RAB11FIP4: variants seen among roughly 807,000 people sequenced by gnomAD.
RAB11FIP4 encodes RAB11 family interacting protein 4.
RAB11FIP4 carries 23 observed loss-of-function variants against 74.3 expected under a neutral mutation model. The observed-to-expected ratio is 0.31, with a 90% CI of 0.22 to 0.44. The LOEUF (loss-of-function observed/expected upper bound fraction) is 0.44. RAB11FIP4 is among the 20% of genes least tolerant of loss of function. The pLI is 1.00. For synonymous variants in RAB11FIP4, 360 were observed against 359.9 expected (o/e 1.00, Z 0.00); for missense variants, 630 against 863.9 (o/e 0.73, Z 3.39).
chr17:31,531,718 G>C lies in RAB11FIP4; in HGVS notation c.1900G>C (p.Glu634Gln). The change falls in exon 15 of 15, where the codon GAG (glutamate) becomes CAG (glutamine). Residue 634 changes from glutamate to glutamine, a missense_variant. Glu to Gln is a conservative substitution (Grantham distance 29, BLOSUM62 2). Transcript: ENST00000621161. Reference sequence around the variant, plus strand: ...CCTGGACCACAATCCCTCCATCCTCGAGATCAAACACTAAGGCACGGGGCT... The same window carrying C: ...CCTGGACCACAATCCCTCCATCCTCCAGATCAAACACTAAGGCACGGGGCT... ...AILDHNPSIL[E>Q]IKH The C allele has an allele frequency of 6.2e-7, 1 of 1,612,048 alleles. No individual in the cohort carries two copies. Among genetic ancestry groups the C allele is most frequent in the Non-Finnish European group, 8.5e-7 (1 of 1,178,122 alleles).
chr17:31,519,580 GC>G (rs1373532608), intron 4 of RAB11FIP4, among the ~76,000 whole-genome samples: 1 of 151,986 alleles, frequency 6.6e-6, no homozygotes, highest in African/African-American at 2.4e-5. Context: ...GCAAGTGGCA[GC>G]CCCTTACCAG....
chr17:31,442,593 T>C (rs1320921187), intron 3 of RAB11FIP4, among the ~76,000 whole-genome samples: 1 of 152,226 alleles, frequency 6.6e-6, no homozygotes, highest in Non-Finnish European at 1.5e-5. Flanking sequence ...TTAGAATATT[T>C]ACTGTCTGCC....
intron 3 of RAB11FIP4, among the ~76,000 whole-genome samples, chr17:31,515,504 C>A (rs1170927743): frequency 7.0e-6 from 1 of 143,150 alleles, no homozygotes; most frequent in Non-Finnish European, 1.6e-5. Flanking sequence ...GGGACGGACC[C>A]CCAGGAGGGC....
intron 3 of RAB11FIP4, among the ~76,000 whole-genome samples, chr17:31,443,592 C>T (rs1054535815): frequency 2.0e-5 from 3 of 150,496 alleles, no homozygotes; most frequent in East Asian, 2.0e-4. Context: ...GCTATGCTTA[C>T]GCACGCAGTC....
At chr17:31,492,555 T>G (rs560667220) in intron 3 of RAB11FIP4, among the ~76,000 whole-genome samples, 1 of 152,286 alleles carries the variant, frequency 6.6e-6, no homozygotes, top group Admixed American at 6.5e-5. Flanking sequence ...CACCATGATC[T>G]GGAGCCCACA....
At chr17:31,479,319 G>T (rs915252379) in intron 3 of RAB11FIP4, among the ~76,000 whole-genome samples, 2 of 152,180 alleles carry the variant, frequency 1.3e-5, no homozygotes, top group African/African-American at 2.4e-5. Flanking sequence ...ACTTGAGAAG[G>T]TCTCTCACCT....
intron 6 of RAB11FIP4, 21 bp from the exon 7 acceptor site, chr17:31,522,339 C>A (rs1597980634): frequency 1.9e-6 from 3 of 1,613,268 alleles, no homozygotes; most frequent in Non-Finnish European, 2.5e-6. Flanking sequence ...TGTTCAATGA[C>A]TGTTTCCTTT....
chr17:31,442,067 C>G (rs546290969), intron 3 of RAB11FIP4, among the ~76,000 whole-genome samples: 1 of 151,646 alleles, frequency 6.6e-6, no homozygotes, highest in African/African-American at 2.4e-5. Context: ...GGTGCAATCT[C>G]GGCTCACCGC....
At chr17:31,409,013 A>G (rs2071067760) in intron 1 of RAB11FIP4, among the ~76,000 whole-genome samples, 1 of 152,210 alleles carries the variant, frequency 6.6e-6, no homozygotes, top group South Asian at 2.1e-4. Flanking sequence ...GATGGACCAG[A>G]TGAAACATGC....
intron 3 of RAB11FIP4, among the ~76,000 whole-genome samples, chr17:31,490,555 T>G (rs1188920992): frequency 1.3e-5 from 2 of 151,722 alleles, no homozygotes; most frequent in Admixed American, 1.3e-4. Context: ...GAAGCATCTT[T>G]TTTTTTTTTA....
intron 1 of RAB11FIP4, among the ~76,000 whole-genome samples, chr17:31,406,131 C>T (rs1185602413): frequency 6.6e-6 from 1 of 152,224 alleles, no homozygotes; most frequent in Non-Finnish European, 1.5e-5. Flanking sequence ...TACTTTGCTC[C>T]CCAGATGATG....
intron 1 of RAB11FIP4, among the ~76,000 whole-genome samples, chr17:31,411,039 G>A (rs1039702164): frequency 3.3e-5 from 5 of 152,126 alleles, no homozygotes; most frequent in Non-Finnish European, 5.9e-5. Flanking sequence ...TGGAGGATGC[G>A]TAGGCCCTGG....
intron 3 of RAB11FIP4, among the ~76,000 whole-genome samples, chr17:31,493,674 G>A (rs965945466): frequency 6.6e-5 from 10 of 152,296 alleles, no homozygotes; most frequent in South Asian, 2.1e-4. Flanking sequence ...AAAAATGGGC[G>A]CCAGAAAACT....
At chr17:31,503,025 A>C (rs1288616051) in intron 3 of RAB11FIP4, among the ~76,000 whole-genome samples, 4 of 95,076 alleles carry the variant, frequency 4.2e-5, no homozygotes, top group South Asian at 3.1e-4. Flanking sequence ...CTTTATTATT[A>C]TTATTATTAT....
chr17:31,476,333 T>C (rs1364718217), intron 3 of RAB11FIP4, among the ~76,000 whole-genome samples: 2 of 151,982 alleles, frequency 1.3e-5, no homozygotes, highest in African/African-American at 4.8e-5. Context: ...TACAGGCACG[T>C]GCCATCACGC....
intron 1 of RAB11FIP4, among the ~76,000 whole-genome samples, chr17:31,427,821 G>A (rs2071268121): frequency 6.6e-6 from 1 of 152,168 alleles, no homozygotes; most frequent in African/African-American, 2.4e-5. Context: ...TGGTGGGTGG[G>A]CTCCCCTGCA....
At chr17:31,505,636 A>AT (rs59580797) in intron 3 of RAB11FIP4, among the ~76,000 whole-genome samples, 1 of 97,992 alleles carries the variant, frequency 1.0e-5, no homozygotes, top group East Asian at 2.2e-4. Context: ...ATTATATAAT[A>AT]ATAATTATAT....
chr17:31,405,628 C>T (rs928633967), intron 1 of RAB11FIP4, among the ~76,000 whole-genome samples: 1 of 152,160 alleles, frequency 6.6e-6, no homozygotes, highest in African/African-American at 2.4e-5. Flanking sequence ...CCTCCTAGGC[C>T]TCCCAAAGTG....
At chr17:31,457,868 G>A (rs986549109) in intron 3 of RAB11FIP4, among the ~76,000 whole-genome samples, 1 of 151,636 alleles carries the variant, frequency 6.6e-6, no homozygotes, top group Non-Finnish European at 1.5e-5. Flanking sequence ...TCCCCTCCCC[G>A]CTCTGTCTCT....
Sources: allele counts gnomAD v4.1 joint callset (sites outside exome capture counted in the v4.1 genomes callset), GRCh38; gene constraint gnomAD v4.1.1; transcripts MANE v1.5; gene names NCBI Gene and HGNC (gene_info 2026-07-23, HGNC 2026-07-21).